LPCAT2: variants seen among roughly 807,000 people sequenced by gnomAD.
LPCAT2 encodes the protein 1-AGP acyltransferase 11.
Under a neutral mutation model 64.7 loss-of-function variants are expected in LPCAT2, and 58 were observed. The ratio of observed to expected loss-of-function variants is 0.90; its 90% CI spans 0.73 to 1.12. The LOEUF is 1.12. Among genes scored for constraint, LPCAT2 ranks in the 50% most tolerant of loss-of-function variants. LPCAT2 has a pLI of 0.00. For synonymous variants in LPCAT2, 252 were observed against 245.3 expected, an observed-to-expected ratio of 1.03 and a Z score of -0.26; for missense variants, 579 against 669.8, an observed-to-expected ratio of 0.86 and a Z score of 1.50.
chr16:55,560,113 CAAGG>C (rs1304857062), intron 11 of LPCAT2, among the ~76,000 whole-genome samples: 6 of 151,964 alleles, frequency 3.9e-5, no homozygotes, highest in African/African-American at 1.4e-4. Context: ...TCCAAGAGCA[CAAGG>C]AAGTAAAGAA....
chr16:55,548,695 G>A (rs1166866987), intron 9 of LPCAT2, among the ~76,000 whole-genome samples: 1 of 152,034 alleles, frequency 6.6e-6, no homozygotes, highest in African/African-American at 2.4e-5. Context: ...TATATTTTTA[G>A]TAGAGATGGG....
intron 4 of LPCAT2, among the ~76,000 whole-genome samples, chr16:55,530,667 AGG>A (rs1963241416): frequency 6.6e-6 from 1 of 152,140 alleles, no homozygotes; most frequent in Non-Finnish European, 1.5e-5. Flanking sequence ...GTGACCAAAC[AGG>A]TTGTTTTAGA....
At chr16:55,572,417 G>A (rs1355018237) in intron 11 of LPCAT2, among the ~76,000 whole-genome samples, 1 of 152,158 alleles carries the variant, frequency 6.6e-6, no homozygotes, top group Non-Finnish European at 1.5e-5. Flanking sequence ...AGACTTCTAT[G>A]TTGCTTAGTG....
intron 6 of LPCAT2, among the ~76,000 whole-genome samples, chr16:55,533,422 T>G: frequency 6.9e-6 from 1 of 144,410 alleles, no homozygotes; most frequent in East Asian, 2.0e-4. Flanking sequence ...TTTTTTTTTT[T>G]TTTTTTGAGA....
intron 8 of LPCAT2, chr16:55,541,779 T>A: frequency 1.0e-6 from 1 of 957,328 alleles, no homozygotes; most frequent in African/African-American, 1.7e-5. Context: ...AAGTTACTTA[T>A]GTGCTGGCAC....
chr16:55,553,378 ATTG>A (rs1963540338), intron 11 of LPCAT2, among the ~76,000 whole-genome samples: 1 of 152,220 alleles, frequency 6.6e-6, no homozygotes, highest in Admixed American at 6.5e-5. Flanking sequence ...GTCTAAATCA[ATTG>A]TTGTCATTTT....
rs1461879801 is a variant in LPCAT2, at chr16:55,585,934, CTA to C, written c.*2840_*2841del. 1 of 152,090 alleles carries C rather than the reference CTA, an allele frequency of 6.6e-6. No individual in the cohort carries two copies. The highest frequency in any genetic ancestry group is 2.4e-5 in the African/African-American group (1 of 41,414). The allele number at this position is 152,090 out of a possible 1,614,324, so 9.4% of individuals were successfully genotyped here. A position where few individuals can be genotyped will look rare whatever the true frequency, so the allele number is the denominator to read the frequency against. Reference sequence around the variant, plus strand: ...TGATGCTCAAATAGAAGGATATTGACTATATTGGAACAGATGGAGTCTCTACT... The same window carrying C: ...TGATGCTCAAATAGAAGGATATTGACTATTGGAACAGATGGAGTCTCTACT... On this transcript the variant is annotated 3_prime_UTR_variant, in exon 14 of 14. Coordinates refer to ENST00000262134, the MANE Select transcript of LPCAT2 (RefSeq NM_017839.5).
intron 1 of LPCAT2, 49 bp downstream of exon 1, chr16:55,509,401 T>C: frequency 6.2e-6 from 5 of 806,420 alleles, no homozygotes; most frequent in African/African-American, 2.8e-5. Flanking sequence ...GGGGCCTAGG[T>C]CAGAGGGGGG....
chr16:55,536,726 T>G (rs979216898), intron 7 of LPCAT2, among the ~76,000 whole-genome samples: 11 of 152,220 alleles, frequency 7.2e-5, no homozygotes, highest in Admixed American at 1.3e-4. Flanking sequence ...CCATTCTGCC[T>G]GGTTTCTGGG....
chr16:55,553,122 C>T (rs1174376434), intron 11 of LPCAT2, among the ~76,000 whole-genome samples: 1 of 152,028 alleles, frequency 6.6e-6, no homozygotes, highest in Non-Finnish European at 1.5e-5. Flanking sequence ...CCTGTAATCC[C>T]AGCTACCTGG....
At chr16:55,515,070 G>A (rs1309774064) in intron 1 of LPCAT2, among the ~76,000 whole-genome samples, 1 of 152,120 alleles carries the variant, frequency 6.6e-6, no homozygotes, top group Non-Finnish European at 1.5e-5. Flanking sequence ...GAGACCTGTG[G>A]ACGCTATCAG....
At position 55,509,181 on chromosome 16, in the gene LPCAT2, T is replaced by A. The variant is rs1221646781; in HGVS notation, c.-1T>A. 7.2e-7 allele frequency: 1 copy of A among 1,388,676 alleles called. No individual in the cohort carries two copies. The highest frequency in any genetic ancestry group is 9.4e-7 in the Non-Finnish European group (1 of 1,066,640). 86.0% of individuals were successfully genotyped at this position (1,388,676 alleles called of 1,614,324 possible). On this transcript the variant is annotated 5_prime_UTR_variant, in exon 1 of 14. Transcript: ENST00000262134. ...GGCCGGGTTCTACGCCCGGCTCAAC[T>A]ATGAGCCGGTGCGCCCAGGCGGCGG...
chr16:55,538,979 G>T (rs1487882664), intron 8 of LPCAT2: 1 of 151,922 alleles, frequency 6.6e-6, no homozygotes, highest in South Asian at 2.1e-4. Context: ...AGGTAGTCTA[G>T]GCCTGTTTCA....
Position 55,525,577 on chromosome 16 carries a change from TG to T in LPCAT2, c.243del (p.Trp81CysfsTer15), listed in dbSNP as rs1168333892. 6.2e-7 allele frequency: 1 copy of T among 1,612,406 alleles called. No homozygotes were observed. The highest frequency in any genetic ancestry group is 1.7e-5 in the Admixed American group (1 of 59,788). On this transcript the variant is annotated frameshift_variant, in exon 2 of 14. Coordinates refer to ENST00000262134, the MANE Select transcript of LPCAT2 (RefSeq NM_017839.5). LOFTEE classifies it high-confidence loss of function. ...LLVALILLLA[W>X]PFAAISTVCC... ...GGTTGCGTTAATTTTATTACTTGCA[TG>T]GCCATTTGCTGCAATTTCAACAGTA...
chr16:55,525,655 A>G lies in LPCAT2; in HGVS notation c.311+8A>G. 1 of 1,592,376 alleles carries G rather than the reference A, an allele frequency of 6.3e-7. No homozygotes were observed. The highest frequency in any genetic ancestry group is 8.5e-7 in the Non-Finnish European group (1 of 1,171,360). The stretch of plus-strand genomic sequence containing the variant: ...AATAACTGGTTGGAGGAGGTAAGAA[A>G]TAATTTTGTCCAAAATATTAGGACA... On this transcript the variant is annotated splice_region_variant and intron_variant, in intron 2 of 13. Coordinates refer to ENST00000262134, the MANE Select transcript of LPCAT2 (RefSeq NM_017839.5).
intron 9 of LPCAT2, among the ~76,000 whole-genome samples, chr16:55,548,676 C>T (rs181799850): frequency 1.5e-4 from 23 of 152,006 alleles, no homozygotes; most frequent in African/African-American, 5.3e-4. Context: ...GTGTGCCTCA[C>T]GTAATTTTTA....
At chr16:55,556,886 T>C (rs1311584092) in intron 11 of LPCAT2, 2 of 152,276 alleles carry the variant, frequency 1.3e-5, no homozygotes, top group African/African-American at 2.4e-5. Context: ...AAACCAAAGA[T>C]TAAAATAACT....
chr16:55,563,937 T>C (rs968985704), intron 11 of LPCAT2, among the ~76,000 whole-genome samples: 3 of 151,890 alleles, frequency 2.0e-5, no homozygotes, highest in Non-Finnish European at 2.9e-5. Context: ...TATGATCTTA[T>C]TTGTAGAAAA....
intron 13 of LPCAT2, among the ~76,000 whole-genome samples, chr16:55,581,267 A>G (rs1963884385): frequency 6.6e-6 from 1 of 152,202 alleles, no homozygotes; most frequent in Non-Finnish European, 1.5e-5. Flanking sequence ...CGTCATTGAA[A>G]CAGACTCATG....
Sources: allele counts gnomAD v4.1 joint callset (sites outside exome capture counted in the v4.1 genomes callset), GRCh38; gene constraint gnomAD v4.1.1; transcripts MANE v1.5; gene names NCBI Gene and HGNC (gene_info 2026-07-23, HGNC 2026-07-21).